Variants in LYRM9 observed in about 807,000 individuals in gnomAD.
LYRM9 encodes LYR motif-containing protein 9.
LYRM9 carries 14 observed loss-of-function variants against 12.6 expected under a neutral mutation model. The ratio of observed to expected loss-of-function variants is 1.11; its 90% CI spans 0.73 to 1.73. The LOEUF (loss-of-function observed/expected upper bound fraction) is 1.73. LYRM9 is among the 40% of genes most tolerant of loss of function. LYRM9 has a pLI of 0.00. For synonymous variants in LYRM9, 42 were observed against 35.1 expected, an observed-to-expected ratio of 1.20 and a Z score of -0.69; for missense variants, 94 against 95.0, an observed-to-expected ratio of 0.99 and a Z score of 0.04.
At chr17:27,883,857 A>AAAT (rs1905149230) in intron 1 of LYRM9, among the ~76,000 whole-genome samples, 1 of 145,716 alleles carries the variant, frequency 6.9e-6, no homozygotes, top group Non-Finnish European at 1.5e-5. Flanking sequence ...AAAAAAAAAA[A>AAAT]AAAAAAAAAA....
chr17:27,880,276 T>A lies in LYRM9; in HGVS notation c.217A>T (p.Lys73Ter). 1 of 1,606,424 alleles carries A rather than the reference T, an allele frequency of 6.2e-7. No individual in the cohort carries two copies. Among genetic ancestry groups the A allele is most frequent in the Non-Finnish European group, 8.5e-7 (1 of 1,176,048 alleles). The change falls in exon 3 of 4, where the codon AAA becomes TAA. Residue 73 changes from lysine to a stop codon, truncating the protein, a stop_gained and splice_region_variant. Coordinates refer to ENST00000379102, the MANE Select transcript of LYRM9 (RefSeq NM_001076680.3). LOFTEE classifies it high-confidence loss of function. Reference sequence around the variant, plus strand: ...GAGCCCAGGGGCCAAGCACCTACTTTGTTCATGATCCAGTCAGCATCTTCA... The same window carrying A: ...GAGCCCAGGGGCCAAGCACCTACTTAGTTCATGATCCAGTCAGCATCTTCA... ...AIEDADWIMN[K>*]YKKQN
intron 1 of LYRM9, among the ~76,000 whole-genome samples, chr17:27,884,984 G>A (rs1477554366): frequency 6.6e-6 from 1 of 152,178 alleles, no homozygotes; most frequent in Non-Finnish European, 1.5e-5. Context: ...AACAATAAAT[G>A]TGTCTCCTCA....
Position 27,886,171 on chromosome 17 carries a change from C to T in LYRM9, c.-18-3459G>A, listed in dbSNP as rs1430359816. 6.6e-6 allele frequency among the ~76,000 whole-genome samples: 1 copy of T among 152,128 alleles called. No individual in the cohort carries two copies. Among genetic ancestry groups the T allele is most frequent in the Non-Finnish European group, 1.5e-5 (1 of 68,026 alleles). ...TGCTAGTCGCGGAACAGATGGTTACCATCTGCAGTCCTCAAAATTAACATT... is the reference window on the plus strand; with the variant it reads ...TGCTAGTCGCGGAACAGATGGTTACTATCTGCAGTCCTCAAAATTAACATT... On this transcript the variant is annotated intron_variant, in intron 1 of 3. Transcript: ENST00000379102. This position sits in a 1 kb window ranked among gnomAD's most constrained non-coding sequence, Gnocchi z 4.8.
chr17:27,880,350 G>A lies in LYRM9; in HGVS notation c.143C>T (p.Ser48Leu), dbSNP rs529686404. 6.2e-7 allele frequency: 1 copy of A among 1,605,258 alleles called. No homozygotes were observed. Among genetic ancestry groups the A allele is most frequent in the South Asian group, 1.1e-5 (1 of 89,274 alleles). Reference protein sequence around the residue: ...HAVRQSFRVHSDEDNPERIQQ... With the variant: ...HAVRQSFRVHLDEDNPERIQQ... ...GATTCTCTCAGGGTTGTCTTCATCT[G>A]AATGAACCCGAAAACTCTGCAAGTT... The change falls in exon 3 of 4, where the codon TCA (serine) becomes TTA (leucine). Residue 48 changes from serine to leucine, a missense_variant. By Grantham distance (145) the Ser-to-Leu change is moderately radical. Transcript: ENST00000379102.
At position 27,880,330 on chromosome 17, in the gene LYRM9, TC is replaced by T. The variant is rs1905007311; in HGVS notation, c.162del (p.Arg55GlufsTer17). 7 of 1,609,788 alleles carry T rather than the reference TC, an allele frequency of 4.3e-6. No individual in the cohort carries two copies. In the East Asian group the frequency reaches 1.6e-4, roughly 36 times the overall value. On this transcript the variant is annotated frameshift_variant, in exon 3 of 4. Coordinates refer to ENST00000379102, the MANE Select transcript of LYRM9 (RefSeq NM_001076680.3). LOFTEE classifies it high-confidence loss of function. ...GCTCTTTTAATAATCTGCTGGATTC[TC>T]TCAGGGTTGTCTTCATCTGAATGAA... ...FRVHSDEDNP[E>X]RIQQIIKRAI... is the part of the protein sequence containing the mutation.
At position 27,879,498 on chromosome 17, in the gene LYRM9, A is replaced by T; in HGVS notation, c.220-8T>A. 6.4e-7 allele frequency: 1 copy of T among 1,552,244 alleles called. No homozygotes were observed. The highest frequency in any genetic ancestry group is 8.7e-7 in the Non-Finnish European group (1 of 1,147,356). The stretch of plus-strand genomic sequence containing the variant: ...TCAGTTTTGTTTTTTATACTGCAAG[A>T]CAGAGAGATTCGAAGTGGAGGAGGG... On this transcript the variant is annotated splice_region_variant and splice_polypyrimidine_tract_variant and intron_variant, in intron 3 of 3. Transcript: ENST00000379102.
intron 1 of LYRM9, among the ~76,000 whole-genome samples, chr17:27,887,949 A>C (rs761669379): frequency 6.0e-4 from 91 of 152,244 alleles, no homozygotes; most frequent in Non-Finnish European, 1.2e-3. Context: ...GGAGGCTTAG[A>C]CTTTTCGTTT....
At position 27,882,986 on chromosome 17, in the gene LYRM9, C is replaced by G. The variant is rs1336777665; in HGVS notation, c.-18-274G>C. On this transcript the variant is annotated intron_variant, in intron 1 of 3. Coordinates refer to ENST00000379102, the MANE Select transcript of LYRM9 (RefSeq NM_001076680.3). ...TTCTGGAACTCAACTTCAAGTGGTGCATGAGTAGGTGTCCCTCACCGGCAG... is the reference window on the plus strand; with the variant it reads ...TTCTGGAACTCAACTTCAAGTGGTGGATGAGTAGGTGTCCCTCACCGGCAG... 4 of 541,338 alleles carry G rather than the reference C, an allele frequency of 7.4e-6. No homozygotes were observed. In the East Asian group the frequency reaches 1.9e-4, roughly 26 times the overall value. The allele number at this position is 541,338 out of a possible 1,614,324, so 33.5% of individuals were successfully genotyped here.
chr17:27,879,843 C>T (rs771188009), intron 3 of LYRM9: 175 of 564,976 alleles, frequency 3.1e-4, no homozygotes, highest in Non-Finnish European at 4.6e-4. Flanking sequence ...CTGACTCACT[C>T]CCTTCCTCCA....
intron 1 of LYRM9, among the ~76,000 whole-genome samples, chr17:27,889,311 CTTTTTTT>C (rs537456506): frequency 6.9e-6 from 1 of 144,506 alleles, no homozygotes; most frequent in East Asian, 2.0e-4. Context: ...TTTCTTTTTT[CTTTTTTT>C]TTTTTTGAGA....
intron 2 of LYRM9, 92 bp downstream of exon 2, chr17:27,882,477 G>A: frequency 1.4e-6 from 2 of 1,422,450 alleles, no homozygotes; most frequent in Non-Finnish European, 1.8e-6. Context: ...CCATCTCAGA[G>A]ACTAGCTCTG....
chr17:27,892,585 C>A, intron 1 of LYRM9: 1 of 344,118 alleles, frequency 2.9e-6, no homozygotes, highest in South Asian at 2.3e-5. Flanking sequence ...TACGAAACAT[C>A]CAGAATAGGC....
chr17:27,881,614 G>A (rs2142581837), intron 2 of LYRM9, among the ~76,000 whole-genome samples: 1 of 152,260 alleles, frequency 6.6e-6, no homozygotes, highest in South Asian at 2.1e-4. Flanking sequence ...ATATAAGTAT[G>A]TATAAATTTT....
At chr17:27,887,256 T>C (rs1357803904) in intron 1 of LYRM9, among the ~76,000 whole-genome samples, 2 of 152,240 alleles carry the variant, frequency 1.3e-5, no homozygotes, top group African/African-American at 4.8e-5. Context: ...GAAATTACTT[T>C]AAGTAGTATA....
At chr17:27,882,983 G>A (rs1905114394) in intron 1 of LYRM9, 3 of 545,134 alleles carry the variant, frequency 5.5e-6, no homozygotes, top group African/African-American at 3.8e-5. Context: ...ACTTCAAGTG[G>A]TGCATGAGTA....
rs111750113 is a variant in LYRM9, at chr17:27,889,287, T to C, written c.-19+4030A>G. Among the ~76,000 whole-genome samples, 763 of 152,160 alleles carry C rather than the reference T, an allele frequency of 5.0e-3. 5 individuals are homozygous for C. The highest frequency in any genetic ancestry group is 0.024 in the Middle Eastern group (7 of 292). ...CATTTGGCTCAAAGGCATTTTTCCA[T>C]GTGCTGCTCTTTTTTTCTTTTTTCT... On this transcript the variant is annotated intron_variant, in intron 1 of 3. Transcript: ENST00000379102.
At chr17:27,890,110 C>T (rs1038684154) in intron 1 of LYRM9, among the ~76,000 whole-genome samples, 3 of 152,166 alleles carry the variant, frequency 2.0e-5, no homozygotes, top group South Asian at 4.1e-4. Context: ...GAGCAAGGCC[C>T]GGAATAGAAC....
chr17:27,881,270 T>G (rs1329597854), intron 2 of LYRM9: 2 of 119,266 alleles, frequency 1.7e-5, no homozygotes, highest in African/African-American at 6.9e-5. Context: ...AAAAAAGAAC[T>G]GGCACCTCCC....
chr17:27,887,716 GTGTGTGT>G (rs1567665218), intron 1 of LYRM9, among the ~76,000 whole-genome samples: 2,016 of 115,680 alleles, frequency 0.017, 22 homozygotes, highest in East Asian at 0.052. Flanking sequence ...GAGGGAGGGT[GTGTGTGT>G]GTGTGTGTGT....
Sources: gnomAD v4.1 joint callset for allele counts (sites outside exome capture counted in the v4.1 genomes callset) on GRCh38, gnomAD v4.1.1 for gene constraint, Gnocchi (gnomAD v3.1) non-coding constraint, MANE v1.5 for transcripts, NCBI Gene and HGNC (gene_info 2026-07-23, HGNC 2026-07-21) for gene names.